Variants in PHLDB1 observed in about 807,000 individuals in gnomAD.
The protein encoded by PHLDB1 is pleckstrin homology-like domain family B member 1.
A neutral mutation model predicts 139.3 loss-of-function variants in PHLDB1; 65 were observed. The ratio of observed to expected loss-of-function variants is 0.47; its 90% confidence interval spans 0.38 to 0.57. PHLDB1 has a LOEUF of 0.57. Ranked by LOEUF, PHLDB1 falls within the 20% of genes least tolerant of loss-of-function variation. The probability of loss-of-function intolerance (pLI) is 0.00; values close to 1 mark genes in which losing one functional copy is unlikely to be tolerated. For synonymous variants in PHLDB1, 679 were observed against 734.5 expected, an observed-to-expected ratio of 0.92 and a Z score of 1.22; for missense variants, 1,624 against 1,839.7, an observed-to-expected ratio of 0.88 and a Z score of 2.14.
rs1300625080 is a variant in PHLDB1 at position 118,655,886 on chromosome 11, G to A, written c.3987G>A (p.Val1329=). 6.2e-7 allele frequency: 1 copy of A among 1,611,526 alleles called. No individual in the cohort carries two copies. The highest frequency in any genetic ancestry group is 2.2e-5 in the East Asian group (1 of 44,860). ...AKKRFFRFTM[V]TESPNPALTF... ...AGAGGTTTTTCCGCTTCACTATGGTGACTGAGGTACCCCTCCCCACTTAGC... is the reference window on the plus strand; with the variant it reads ...AGAGGTTTTTCCGCTTCACTATGGTAACTGAGGTACCCCTCCCCACTTAGC... The change falls in exon 22 of 23, where the codon GTG becomes GTA. Residue 1329 remains valine, a synonymous_variant. Transcript: ENST00000600882.
rs1555131607 is a variant in PHLDB1 at position 118,648,067 on chromosome 11, A to G, written c.3645A>G (p.Gln1215=). The part of the protein sequence containing the change: ...VEKEVKMREK[Q]FSQARPLTRY... ...AGGAGGTCAAGATGCGGGAGAAACA[A>G]TTTTCCCAGGTGAATGGGCAGTGGG... Residue 1215 remains glutamine, a synonymous_variant, in exon 18 of 23, where the codon CAA becomes CAG. Coordinates refer to ENST00000600882, the MANE Select transcript of PHLDB1 (RefSeq NM_001144758.3). 1.9e-6 allele frequency: 3 copies of G among 1,613,356 alleles called. No homozygotes were observed. The highest frequency in any genetic ancestry group is 1.7e-5 in the Admixed American group (1 of 59,974).
At chr11:118,628,745 C>CAGGG in intron 6 of PHLDB1, 95 bp downstream of exon 6, 1 of 1,256,084 alleles carries the variant, frequency 8.0e-7, no homozygotes, top group African/African-American at 1.5e-5. Context: ...GGCCCTCAAA[C>CAGGG]AGGGCTTCGG....
At chr11:118,633,066 C>G (rs1443985406) in intron 9 of PHLDB1, 3 of 153,106 alleles carry the variant, frequency 2.0e-5, no homozygotes, top group African/African-American at 7.3e-5. Context: ...ATTAACTCCA[C>G]GCTTGCCAAC....
At position 118,656,811 on chromosome 11, in the gene PHLDB1, G is replaced by A. The variant is rs782216599; in HGVS notation, c.4122G>A (p.Gln1374=). 1.1e-5 allele frequency: 18 copies of A among 1,611,972 alleles called. No homozygotes were observed. The highest frequency in any genetic ancestry group is 1.4e-5 in the Non-Finnish European group (17 of 1,178,282). The change falls in exon 23 of 23, where the codon CAG becomes CAA. Residue 1374 remains glutamine (Q), a synonymous_variant. Coordinates refer to ENST00000600882, the MANE Select transcript of PHLDB1 (RefSeq NM_001144758.3). ...VIVTGAEGYT[Q]FMN The stretch of plus-strand genomic sequence containing the variant: ...TCACAGGGGCTGAGGGCTACACTCA[G>A]TTCATGAACTAACTGCCGTGGGCCT...
chr11:118,642,167 C>T (rs782052451), intron 12 of PHLDB1, 87 bp from the exon 13 acceptor site: 1 of 1,245,404 alleles, frequency 8.0e-7, no homozygotes, highest in African/African-American at 1.5e-5. Context: ...CTCCCTTCTC[C>T]TGCCTTTTCC....
rs184178436 is a variant in PHLDB1 at position 118,642,429 on chromosome 11, T to G, written c.2877+35T>G. 3 of 1,594,544 alleles carry G rather than the reference T, an allele frequency of 1.9e-6. No individual in the cohort carries two copies. The East Asian group carries it at 6.7e-5, about 36-fold the overall frequency. On this transcript the variant is annotated intron_variant, in intron 13 of 22. Transcript: ENST00000600882. Reference sequence around the variant, plus strand: ...CCTTCACTGCCCGTCCTCCCCAGCCTTTGCACCTGTCCACTCTGATACCTC... The same window carrying G: ...CCTTCACTGCCCGTCCTCCCCAGCCGTTGCACCTGTCCACTCTGATACCTC...
At chr11:118,609,819 C>G (rs1337535616) in intron 1 of PHLDB1, among the ~76,000 whole-genome samples, 3 of 152,230 alleles carry the variant, frequency 2.0e-5, no homozygotes, top group Non-Finnish European at 4.4e-5. Context: ...TGCAAGGGGC[C>G]GCTACCTTGC....
chr11:118,611,832 AAATAAT>A lies in PHLDB1; in HGVS notation c.-21-1969_-21-1964del, dbSNP rs1555084304. 1.4e-5 allele frequency among the ~76,000 whole-genome samples: 2 copies of A among 147,064 alleles called. No homozygotes were observed. Among genetic ancestry groups the A allele is most frequent in the South Asian group, 2.1e-4 (1 of 4,712 alleles). On this transcript the variant is annotated intron_variant, in intron 1 of 22. Transcript: ENST00000600882. The surrounding 1 kb of genome is among the most constrained non-coding windows in gnomAD (Gnocchi z 4.7). ...AAACTCCGTCTCAAAAAAAAAAAAA[AAATAAT>A]AATAATAATAATAAATGGCATTAAG...
At position 118,632,700 on chromosome 11, in the gene PHLDB1, G is replaced by A. The variant is rs571079720; in HGVS notation, c.2379+404G>A. On this transcript the variant is annotated intron_variant, in intron 9 of 22. Coordinates refer to ENST00000600882, the MANE Select transcript of PHLDB1 (RefSeq NM_001144758.3). The surrounding 1 kb of genome is among the most constrained non-coding windows in gnomAD (Gnocchi z 5.9). Reference sequence around the variant, plus strand: ...CTCCAAGCATGCCACAAGTGCTTACGTTGTGATCTTTGGGAGATGGCCCTC... The same window carrying A: ...CTCCAAGCATGCCACAAGTGCTTACATTGTGATCTTTGGGAGATGGCCCTC... 5.2e-5 allele frequency: 11 copies of A among 212,786 alleles called. No homozygotes were observed. The highest frequency in any genetic ancestry group is 2.5e-4 in the African/African-American group (11 of 43,238). The allele number at this position is 212,786 out of a possible 1,614,324, so 13.2% of individuals were successfully genotyped here. A position where few individuals can be genotyped will look rare whatever the true frequency, so the allele number is the denominator to read the frequency against.
intron 2 of PHLDB1, among the ~76,000 whole-genome samples, chr11:118,614,216 G>A (rs1260850348): frequency 2.0e-5 from 3 of 152,084 alleles, no homozygotes; most frequent in Admixed American, 2.0e-4. Flanking sequence ...CCATGGACAA[G>A]TCTGCAGGGA....
chr11:118,616,056 G>A lies in PHLDB1; in HGVS notation c.200G>A (p.Gly67Asp). Reference sequence around the variant, plus strand: ...TTGTCTCCAGGGAGGACGGTGATTGGCTCTGCAGCCAGAGACATCTCACTA... The same window carrying A: ...TTGTCTCCAGGGAGGACGGTGATTGACTCTGCAGCCAGAGACATCTCACTA... ...LPLEEGRTVI[G>D]SAARDISLQG... Residue 67 changes from glycine (G) to aspartate (D), a missense_variant, in exon 4 of 23, where the codon GGC becomes GAC. Physicochemically the swap from Gly to Asp is moderately conservative, Grantham distance 94 (BLOSUM62 -1). Coordinates refer to ENST00000600882, the MANE Select transcript of PHLDB1 (RefSeq NM_001144758.3). The A allele has an allele frequency of 6.2e-7, 1 of 1,613,362 alleles. No individual in the cohort carries two copies. The highest frequency in any genetic ancestry group is 2.2e-5 in the East Asian group (1 of 44,864).
intron 15 of PHLDB1, chr11:118,644,872 C>T: frequency 3.7e-6 from 1 of 266,728 alleles, no homozygotes; most frequent in Non-Finnish European, 7.5e-6. Flanking sequence ...CTGTGCTCTA[C>T]CGTGTCTCCC....
intron 4 of PHLDB1, among the ~76,000 whole-genome samples, chr11:118,623,595 T>C (rs1023034671): frequency 3.3e-5 from 5 of 152,290 alleles, no homozygotes; most frequent in Non-Finnish European, 7.4e-5. Context: ...AGAGGGTGCT[T>C]AGTCAGAAAG....
intron 17 of PHLDB1, 83 bp from the exon 18 acceptor site, chr11:118,647,847 C>G (rs1947757033): frequency 6.9e-7 from 1 of 1,442,794 alleles, no homozygotes. Context: ...GTGGATTCCT[C>G]CTGCAGCCCT....
At chr11:118,653,325 T>A (rs1948597691) in intron 20 of PHLDB1, 1 of 151,946 alleles carries the variant, frequency 6.6e-6, no homozygotes. Flanking sequence ...AGAAACCCCC[T>A]CATTGCATGG....
At chr11:118,641,479 G>A in intron 12 of PHLDB1, 1 of 372,768 alleles carries the variant, frequency 2.7e-6, no homozygotes, top group Non-Finnish European at 4.6e-6. Flanking sequence ...CGAGTTGAGA[G>A]GACTCTGGCT....
In PHLDB1 at chr11:118,645,781, C is replaced by A. The variant is rs782266806; in HGVS notation, c.3463C>A (p.Leu1155Met). 2 of 1,613,594 alleles carry A rather than the reference C, an allele frequency of 1.2e-6. No homozygotes were observed. The highest frequency in any genetic ancestry group is 1.7e-6 in the Non-Finnish European group (2 of 1,179,598). ...MGKIEEMEKM[L>M]KEAHAEKNRL... ...GAAGATCGAGGAGATGGAGAAGATG[C>A]TGAAAGAGGCTCATGCAGAGAAGAA... Residue 1155 changes from leucine to methionine, a missense_variant, in exon 17 of 23, where the codon CTG (leucine) becomes ATG (methionine). Coordinates refer to ENST00000600882, the MANE Select transcript of PHLDB1 (RefSeq NM_001144758.3). The surrounding 1 kb of genome is among the most constrained non-coding windows in gnomAD (Gnocchi z 5.1).
rs60228799 is a variant in PHLDB1 at position 118,623,917 on chromosome 11, T to TGA, written c.356-1014_356-1013dup. On this transcript the variant is annotated intron_variant, in intron 4 of 22. Coordinates refer to ENST00000600882, the MANE Select transcript of PHLDB1 (RefSeq NM_001144758.3). The stretch of plus-strand genomic sequence containing the variant: ...GTGTGTGTGTGTGTGTGTGTGTGTG[T>TGA]GAGACGGAGTTTCGCTCTGTTGCCC... 5.6e-3 allele frequency among the ~76,000 whole-genome samples: 802 copies of TGA among 144,350 alleles called. 4 individuals carry two copies. The highest frequency in any genetic ancestry group is 7.8e-3 in the Non-Finnish European group (513 of 65,910). The allele number at this position is 144,350 out of a possible 152,430, so 94.7% of individuals were successfully genotyped here.
At chr11:118,639,808 G>C in intron 12 of PHLDB1, 1 of 984,944 alleles carries the variant, frequency 1.0e-6, no homozygotes, top group African/African-American at 1.8e-5. Context: ...CTGCGGTGGG[G>C]AACTGGGCCA....
Sources: gnomAD v4.1 joint callset for allele counts (sites outside exome capture counted in the v4.1 genomes callset) on GRCh38, gnomAD v4.1.1 for gene constraint, Gnocchi (gnomAD v3.1) non-coding constraint, MANE v1.5 for transcripts, NCBI Gene and HGNC (gene_info 2026-07-23, HGNC 2026-07-21) for gene names.